The following FBLN2 variants were observed in gnomAD, a reference collection of about 807,000 sequenced individuals.
The protein encoded by FBLN2 is fibulin 2, also known as fibulin-2.
A neutral mutation model predicts 123.7 loss-of-function variants in FBLN2; 81 were observed. The observed-to-expected ratio is 0.65, with a 90% CI of 0.55 to 0.79. The LOEUF (loss-of-function observed/expected upper bound fraction) is 0.79. FBLN2 is among the 30% of genes least tolerant of loss of function. The pLI, the probability that FBLN2 is intolerant of heterozygous loss-of-function variation, is 0.00. For synonymous variants in FBLN2, 699 were observed against 701.4 expected (o/e 1.00, Z 0.05); for missense variants, 1,603 against 1,681.3 (o/e 0.95, Z 0.81).
chr3:13,582,051 G>A (rs1272411107), intron 2 of FBLN2, among the ~76,000 whole-genome samples: 1 of 152,014 alleles, frequency 6.6e-6, no homozygotes, highest in Non-Finnish European at 1.5e-5. Flanking sequence ...GCTTACTGTT[G>A]GCTTCCTCCC....
At chr3:13,552,445 A>G (rs917175905) in intron 1 of FBLN2, among the ~76,000 whole-genome samples, 4 of 152,094 alleles carry the variant, frequency 2.6e-5, no homozygotes, top group African/African-American at 9.7e-5. Context: ...TCTGGTCCTT[A>G]GCAGCCCTCT....
chr3:13,581,288 C>T (rs867002203), intron 2 of FBLN2, among the ~76,000 whole-genome samples: 2 of 151,914 alleles, frequency 1.3e-5, no homozygotes, highest in Non-Finnish European at 2.9e-5. Context: ...CATGAAAGTC[C>T]GGTAGTGGTT....
chr3:13,582,092 G>C (rs904387432), intron 2 of FBLN2, among the ~76,000 whole-genome samples: 1 of 152,190 alleles, frequency 6.6e-6, no homozygotes, highest in Non-Finnish European at 1.5e-5. Flanking sequence ...AAGAAAGCCT[G>C]CAGTGGACAC....
chr3:13,595,390 C>T (rs1015279329), intron 2 of FBLN2, among the ~76,000 whole-genome samples: 1 of 152,280 alleles, frequency 6.6e-6, no homozygotes, highest in South Asian at 2.1e-4. Context: ...GTTTCTTAGC[C>T]ATCCCCTGCT....
At chr3:13,579,945 C>T (rs1333010009) in intron 2 of FBLN2, among the ~76,000 whole-genome samples, 2 of 152,226 alleles carry the variant, frequency 1.3e-5, no homozygotes, top group African/African-American at 4.8e-5. Flanking sequence ...CCTAGGAAGC[C>T]TCCTTTGTGC....
chr3:13,571,669 C>G lies in FBLN2; in HGVS notation c.1306+8C>G, dbSNP rs763406827. The G allele has an allele frequency of 1.9e-6, 3 of 1,569,512 alleles. No homozygotes were observed. The highest frequency in any genetic ancestry group is 2.4e-5 in the South Asian group (2 of 81,858). ...CCAGAAGTAGCCCTGAAGGTAAGAC[C>G]CTGTCCTGGTTCCTTCAGGGCACTT... On this transcript the variant is annotated splice_region_variant and intron_variant, in intron 2 of 17. Coordinates refer to ENST00000404922, the MANE Select transcript of FBLN2 (RefSeq NM_001004019.2).
intron 16 of FBLN2, among the ~76,000 whole-genome samples, chr3:13,633,961 A>ACACACACACACACACACACACACACC (rs1216261048): frequency 6.7e-6 from 1 of 148,262 alleles, no homozygotes. Context: ...GCAAACACAC[A>ACACACACACACACACACACACACACC]CACACACACA....
rs1265671761 is a variant in FBLN2 at position 13,627,915 on chromosome 3, G to A, written c.2515G>A (p.Ala839Thr). ...QNTKGSFYCQ[A>T]RQRCMDGFLQ... is the part of the protein sequence containing the mutation. Reference sequence around the variant, plus strand: ...CACCAAGGGCTCCTTCTACTGCCAGGCCAGGCAGCGCTGCATGGATGGCTT... The same window carrying A: ...CACCAAGGGCTCCTTCTACTGCCAGACCAGGCAGCGCTGCATGGATGGCTT... The change falls in exon 11 of 18, where the codon GCC becomes ACC. Residue 839 changes from alanine to threonine, a missense_variant. Physicochemically the swap from Ala to Thr is moderately conservative, Grantham distance 58. Transcript: ENST00000404922. 2 of 1,613,754 alleles carry A rather than the reference G, an allele frequency of 1.2e-6. No individual in the cohort carries two copies. Among genetic ancestry groups the A allele is most frequent in the East Asian group, 2.2e-5 (1 of 44,902 alleles).
intron 16 of FBLN2, among the ~76,000 whole-genome samples, chr3:13,633,994 C>CACACACACACACACAG (rs1486654741): frequency 1.3e-5 from 2 of 150,582 alleles, no homozygotes; most frequent in Non-Finnish European, 3.0e-5. Context: ...CACACACACA[C>CACACACACACACACAG]AGCTGAAAGT....
At chr3:13,596,888 A>T (rs1868708) in intron 2 of FBLN2, among the ~76,000 whole-genome samples, 53,553 of 151,378 alleles carry the variant, frequency 0.35, 12,825 homozygotes, top group African/African-American at 0.68. Context: ...AAAATAAATT[A>T]GTTTTTTATT....
At chr3:13,555,078 G>T (rs182942666) in intron 1 of FBLN2, among the ~76,000 whole-genome samples, 15 of 151,204 alleles carry the variant, frequency 9.9e-5, no homozygotes, top group Admixed American at 9.9e-4. Flanking sequence ...TCAGCCTCCC[G>T]AGTAGCTGGG....
intron 16 of FBLN2, among the ~76,000 whole-genome samples, chr3:13,632,681 A>G (rs2124911303): frequency 6.6e-6 from 1 of 152,292 alleles, no homozygotes; most frequent in African/African-American, 2.4e-5. Context: ...GTCCCAATGC[A>G]CAAGGAGTCC....
At chr3:13,609,138 C>G (rs1422892193) in intron 3 of FBLN2, among the ~76,000 whole-genome samples, 1 of 152,346 alleles carries the variant, frequency 6.6e-6, no homozygotes, top group East Asian at 1.9e-4. Flanking sequence ...CCAGGCAGCC[C>G]AACAGTGACT....
intron 1 of FBLN2, chr3:13,568,760 T>C (rs13064779): frequency 0.69 from 677,208 of 984,826 alleles, 233,894 homozygotes; most frequent in East Asian, 0.9. Context: ...ATTTATTTCA[T>C]CATGGGGCTC....
At chr3:13,607,086 C>T (rs1308131368) in intron 2 of FBLN2, among the ~76,000 whole-genome samples, 1 of 152,194 alleles carries the variant, frequency 6.6e-6, no homozygotes, top group Non-Finnish European at 1.5e-5. Flanking sequence ...CTCCCAGGTT[C>T]GAGCAATTCT....
At chr3:13,559,183 A>G (rs1285058297) in intron 1 of FBLN2, among the ~76,000 whole-genome samples, 1 of 152,076 alleles carries the variant, frequency 6.6e-6, no homozygotes, top group African/African-American at 2.4e-5. Context: ...AGTTTTAGGT[A>G]TGTGCCCATA....
intron 8 of FBLN2, among the ~76,000 whole-genome samples, 152 bp downstream of exon 8, chr3:13,619,983 A>G (rs2124895686): frequency 6.6e-6 from 1 of 152,274 alleles, no homozygotes; most frequent in South Asian, 2.1e-4. Context: ...GGAGCAGGTT[A>G]AACAGTCACT....
At chr3:13,558,014 C>G (rs929127672) in intron 1 of FBLN2, among the ~76,000 whole-genome samples, 3 of 152,176 alleles carry the variant, frequency 2.0e-5, no homozygotes, top group Non-Finnish European at 4.4e-5. Context: ...GGCCAGACCC[C>G]GCTGTTGGTT....
chr3:13,609,692 G>GGGGGGGC, intron 4 of FBLN2, 50 bp downstream of exon 4: 5 of 508,392 alleles, frequency 9.8e-6, no homozygotes, highest in African/African-American at 2.0e-5. Flanking sequence ...GGCGGGGCGG[G>GGGGGGGC]AGGCTGGCCT....
Sources: allele counts gnomAD v4.1 joint callset (sites outside exome capture counted in the v4.1 genomes callset), GRCh38; gene constraint gnomAD v4.1.1; transcripts MANE v1.5; gene names NCBI Gene and HGNC (gene_info 2026-07-23, HGNC 2026-07-21).